PIBF1: variants seen among roughly 807,000 people sequenced by gnomAD.
PIBF1 encodes the protein progesterone immunomodulatory binding factor 1.
PIBF1 carries 90 observed loss-of-function variants against 112.5 expected under a neutral mutation model. The ratio of observed to expected loss-of-function variants is 0.80; its 90% CI spans 0.67 to 0.95. The LOEUF is 0.95. PIBF1 is among the 40% of genes least tolerant of loss of function. The pLI is 0.00. For synonymous variants in PIBF1, 301 were observed against 288.6 expected (o/e 1.04, Z -0.44); for missense variants, 915 against 852.3 (o/e 1.07, Z -0.92).
chr13:72,873,369 A>G (rs1431817870), intron 10 of PIBF1, among the ~76,000 whole-genome samples: 3 of 152,286 alleles, frequency 2.0e-5, no homozygotes, highest in Admixed American at 2.0e-4. Context: ...CATAAATAGG[A>G]CATAAAGAAC....
intron 7 of PIBF1, among the ~76,000 whole-genome samples, chr13:72,827,335 G>A (rs374864837): frequency 7.4e-6 from 1 of 135,832 alleles, no homozygotes. Flanking sequence ...TGCAACTTCC[G>A]CCTCCCAGGT....
chr13:72,950,535 G>C (rs2042268054), intron 14 of PIBF1, among the ~76,000 whole-genome samples: 1 of 152,170 alleles, frequency 6.6e-6, no homozygotes, highest in Admixed American at 6.5e-5. Flanking sequence ...TTTATACACA[G>C]AGCACTTGCC....
chr13:72,992,858 T>C (rs1440891400), intron 16 of PIBF1, among the ~76,000 whole-genome samples: 2 of 151,794 alleles, frequency 1.3e-5, no homozygotes, highest in Admixed American at 6.6e-5. Context: ...GCTGGTCCTT[T>C]ATTCATAAAT....
intron 1 of PIBF1, among the ~76,000 whole-genome samples, 198 bp from the exon 2 acceptor site, chr13:72,783,225 T>C (rs2034390213): frequency 6.6e-6 from 1 of 152,124 alleles, no homozygotes; most frequent in Non-Finnish European, 1.5e-5. Context: ...TTTTTAAGTT[T>C]CTCGAAGGCT....
In PIBF1 at chr13:72,855,389, G is replaced by C. The variant is rs529453469; in HGVS notation, c.1322+1234G>C. ...AAGTATGTCTTATTCTAAATATCAT[G>C]CTATCGGGCTAGGCACTGGAAGGCT... On this transcript the variant is annotated intron_variant, in intron 10 of 17. Coordinates refer to ENST00000326291, the MANE Select transcript of PIBF1 (RefSeq NM_006346.4). 9.9e-5 allele frequency among the ~76,000 whole-genome samples: 15 copies of C among 152,198 alleles called. No individual in the cohort carries two copies. In the East Asian group the frequency reaches 2.7e-3, roughly 27 times the overall value.
intron 2 of PIBF1, among the ~76,000 whole-genome samples, chr13:72,790,366 G>A (rs77641954): frequency 0.021 from 3,149 of 150,864 alleles, 121 homozygotes; most frequent in African/African-American, 0.073. Flanking sequence ...AGTTTTGAAG[G>A]TGTAACTTAT....
At chr13:72,986,764 C>G (rs1216331065) in intron 16 of PIBF1, among the ~76,000 whole-genome samples, 3 of 149,084 alleles carry the variant, frequency 2.0e-5, no homozygotes, top group Admixed American at 2.0e-4. Flanking sequence ...AATCTCGGCT[C>G]ACTGCAAGCT....
Position 72,835,280 on chromosome 13 carries a change from G to A in PIBF1, c.1135G>A (p.Asp379Asn), listed in dbSNP as rs1180955592. ...YKTEYENKLH[D>N]ELEQIRLKTN... The stretch of plus-strand genomic sequence containing the variant: ...AACAGAATATGAAAATAAACTACAT[G>A]ATGAACTAGAACAAATCAGATTGAA... Residue 379 changes from aspartate to asparagine, a missense_variant, in exon 9 of 18, where the codon GAT becomes AAT. By Grantham distance (23) the Asp-to-Asn change is conservative. Transcript: ENST00000326291. 10 of 1,585,376 alleles carry A rather than the reference G, an allele frequency of 6.3e-6. No individual in the cohort carries two copies. Among genetic ancestry groups the A allele is most frequent in the Non-Finnish European group, 8.6e-6 (10 of 1,167,310 alleles).
chr13:72,976,498 T>G (rs1482029345), intron 16 of PIBF1, among the ~76,000 whole-genome samples: 1 of 152,224 alleles, frequency 6.6e-6, no homozygotes, highest in Non-Finnish European at 1.5e-5. Context: ...AGTATATCTT[T>G]ATTTTGGCAA....
chr13:72,901,626 G>A lies in PIBF1; in HGVS notation c.1489-6905G>A, dbSNP rs144229406. Among the ~76,000 whole-genome samples, 1,150 of 151,962 alleles carry A rather than the reference G, an allele frequency of 7.6e-3. 14 individuals carry two copies. The highest frequency in any genetic ancestry group is 0.014 in the Middle Eastern group (4 of 292). ...CTGGAACCCGGGAAGAAGAGGTTGC[G>A]GTGAGCAAAGATCATGCCACTACAC... On this transcript the variant is annotated intron_variant, in intron 11 of 17. Transcript: ENST00000326291.
At chr13:72,970,214 C>T (rs2042852811) in intron 15 of PIBF1, among the ~76,000 whole-genome samples, 1 of 152,064 alleles carries the variant, frequency 6.6e-6, no homozygotes, top group Non-Finnish European at 1.5e-5. Flanking sequence ...TCATCATAAA[C>T]ACATTAAAAG....
At chr13:72,957,321 A>C (rs1435783083) in intron 14 of PIBF1, among the ~76,000 whole-genome samples, 1 of 152,242 alleles carries the variant, frequency 6.6e-6, no homozygotes, top group African/African-American at 2.4e-5. Context: ...ATACCATGGA[A>C]TATTACTCAG....
chr13:72,997,107 A>G (rs989755572), intron 16 of PIBF1, among the ~76,000 whole-genome samples: 5 of 152,092 alleles, frequency 3.3e-5, no homozygotes, highest in African/African-American at 9.7e-5. Flanking sequence ...TACCTTATTT[A>G]TCTGTAGAAT....
intron 10 of PIBF1, among the ~76,000 whole-genome samples, chr13:72,891,990 G>A (rs1219544706): frequency 1.3e-5 from 2 of 152,082 alleles, no homozygotes; most frequent in Admixed American, 1.3e-4. Context: ...CAAACTTTTA[G>A]AGACAAAAAG....
In PIBF1 at chr13:72,835,346, G is replaced by A. The variant is rs867783140; in HGVS notation, c.1201G>A (p.Glu401Lys). 29 of 1,577,450 alleles carry A rather than the reference G, an allele frequency of 1.8e-5. No individual in the cohort carries two copies. In the African/African-American group the frequency reaches 2.9e-4, roughly 16 times the overall value. The change falls in exon 9 of 18, where the codon GAA (glutamate) becomes AAA (lysine). Residue 401 changes from glutamate to lysine, a missense_variant. Physicochemically the swap from Glu to Lys is moderately conservative, Grantham distance 56. Transcript: ENST00000326291. ...EIDQLRNASR[E>K]MYERENRNLR... ...TGATCAACTTCGAAATGCCTCTAGG[G>A]AAATGTATGAACGAGAAAACAGGTA...
At chr13:72,987,524 G>A (rs967838777) in intron 16 of PIBF1, among the ~76,000 whole-genome samples, 7 of 151,990 alleles carry the variant, frequency 4.6e-5, no homozygotes, top group African/African-American at 1.7e-4. Flanking sequence ...TTGATGGAAG[G>A]CATCTGCATT....
chr13:72,969,517 T>G (rs1459246826), intron 15 of PIBF1: 1 of 152,204 alleles, frequency 6.6e-6, no homozygotes, highest in Non-Finnish European at 1.5e-5. Context: ...TTTCAGTAGT[T>G]TAATTACAAC....
intron 12 of PIBF1, among the ~76,000 whole-genome samples, chr13:72,913,444 G>T (rs1029196879): frequency 6.6e-6 from 1 of 152,044 alleles, no homozygotes; most frequent in South Asian, 2.1e-4. Context: ...GAAACGGGTG[G>T]ATATATGTAT....
At chr13:72,829,177 A>G (rs909080375) in intron 8 of PIBF1, among the ~76,000 whole-genome samples, 4 of 152,188 alleles carry the variant, frequency 2.6e-5, no homozygotes, top group South Asian at 4.1e-4. Flanking sequence ...TCTGGATATT[A>G]GCCCTTTGTC....
Sources: gnomAD v4.1 joint callset for allele counts (sites outside exome capture counted in the v4.1 genomes callset) on GRCh38, gnomAD v4.1.1 for gene constraint, MANE v1.5 for transcripts, NCBI Gene and HGNC (gene_info 2026-07-23, HGNC 2026-07-21) for gene names.